Variants in GLIPR1 observed in about 807,000 individuals in gnomAD.
The protein encoded by GLIPR1 is glioma pathogenesis-related protein 1.
Under a neutral mutation model 30.3 loss-of-function variants are expected in GLIPR1, and 38 were observed. The ratio of observed to expected loss-of-function variants is 1.26; its 90% CI spans 0.97 to 1.65. The LOEUF is 1.65. GLIPR1 is among the 40% of genes most tolerant of loss of function. The probability of loss-of-function intolerance (pLI) is 0.00; values close to 1 mark genes in which losing one functional copy is unlikely to be tolerated. For synonymous variants in GLIPR1, 122 were observed against 110.6 expected (o/e 1.10, Z -0.65); for missense variants, 285 against 326.5 (o/e 0.87, Z 0.98).
chr12:75,486,852 G>A (rs927127613), intron 2 of GLIPR1, among the ~76,000 whole-genome samples: 5 of 152,088 alleles, frequency 3.3e-5, no homozygotes, highest in Non-Finnish European at 4.4e-5. Flanking sequence ...TTTCTGGGGC[G>A]ATAAAAATAT....
rs549613462 is a variant in GLIPR1, at chr12:75,495,849, C to T, written c.619+187C>T. On this transcript the variant is annotated intron_variant, in intron 4 of 5. Transcript: ENST00000266659. ...AAGAGAAATTTAAATGTGAAAATCA[C>T]GTTCTTTTTATTTAGTTCTAATTGG... 9 of 410,412 alleles carry T rather than the reference C, an allele frequency of 2.2e-5. No homozygotes were observed. In the South Asian group the frequency reaches 5.0e-4, roughly 23 times the overall value. 25.4% of individuals were successfully genotyped at this position (410,412 alleles called of 1,614,324 possible). A position where few individuals can be genotyped will look rare whatever the true frequency, so the allele number is the denominator to read the frequency against.
Position 75,481,899 on chromosome 12 carries a change from T to C in GLIPR1, c.240T>C (p.Asn80=). ...CCAGCAATTGCCAGTTTTCACATAATACACGGCTGAAGCCACCCCACAAGC... is the reference window on the plus strand; with the variant it reads ...CCAGCAATTGCCAGTTTTCACATAACACACGGCTGAAGCCACCCCACAAGC... ...AWASNCQFSH[N]TRLKPPHKLH... is the part of the protein sequence containing the mutation. Residue 80 remains asparagine (N), a synonymous_variant, in exon 2 of 6, where the codon AAT becomes AAC. Coordinates refer to ENST00000266659, the MANE Select transcript of GLIPR1 (RefSeq NM_006851.3). 6.2e-7 allele frequency: 1 copy of C among 1,614,144 alleles called. No individual in the cohort carries two copies. Among genetic ancestry groups the C allele is most frequent in the East Asian group, 2.2e-5 (1 of 44,878 alleles).
chr12:75,490,475 G>C lies in GLIPR1; in HGVS notation c.490G>C (p.Ala164Pro). 6.5e-7 allele frequency: 1 copy of C among 1,535,470 alleles called. No individual in the cohort carries two copies. Among genetic ancestry groups the C allele is most frequent in the Non-Finnish European group, 8.8e-7 (1 of 1,137,064 alleles). The part of the protein sequence containing the change: ...QFCPKVSGFD[A>P]LSNGAHFICN... ...TTGCCCTAAAGTTTCTGGCTTTGAC[G>C]CTCTTTCCAATGGAGCACATTTTAT... Residue 164 changes from alanine (A) to proline (P), a missense_variant, in exon 3 of 6, where the codon GCT becomes CCT. Coordinates refer to ENST00000266659, the MANE Select transcript of GLIPR1 (RefSeq NM_006851.3).
At chr12:75,496,026 CAG>C (rs1171338935) in intron 4 of GLIPR1, 6 of 136,960 alleles carry the variant, frequency 4.4e-5, no homozygotes, top group South Asian at 1.6e-4. Context: ...TTTTTTGAGA[CAG>C]AGTCTTGCTC....
At chr12:75,482,157 A>G in intron 2 of GLIPR1, 78 bp downstream of exon 2, 1 of 1,206,972 alleles carries the variant, frequency 8.3e-7, no homozygotes, top group Non-Finnish European at 1.2e-6. Context: ...AGTTAAGAAA[A>G]TGTATAGTAT....
chr12:75,494,189 G>T (rs2046337728), intron 3 of GLIPR1: 1 of 152,210 alleles, frequency 6.6e-6, no homozygotes, highest in East Asian at 1.9e-4. Flanking sequence ...TCGTTATAAA[G>T]TTGTGTGTCT....
intron 1 of GLIPR1, chr12:75,481,355 T>TTA: frequency 5.5e-6 from 1 of 183,208 alleles, no homozygotes. Context: ...TGATTTGGTT[T>TTA]TCTTTTTTTT....
At chr12:75,484,838 ATGTATACG>A (rs1159270530) in intron 2 of GLIPR1, 1 of 175,328 alleles carries the variant, frequency 5.7e-6, no homozygotes, top group Admixed American at 6.3e-5. Context: ...GGCCATCTGG[ATGTATACG>A]TGCAGGTCAC....
At chr12:75,487,739 G>A (rs1471189601) in intron 2 of GLIPR1, 1 of 456,174 alleles carries the variant, frequency 2.2e-6, no homozygotes, top group Admixed American at 2.4e-5. Context: ...CTCCCTCCAG[G>A]TGTCACAGGA....
chr12:75,499,894 T>G lies in GLIPR1; in HGVS notation c.*916T>G. On this transcript the variant is annotated 3_prime_UTR_variant, in exon 6 of 6. Coordinates refer to ENST00000266659, the MANE Select transcript of GLIPR1 (RefSeq NM_006851.3). Reference sequence around the variant, plus strand: ...TGTAAGAGCTCCCAGTTTCTTATTCTTTGCTTTCTTAACCTTTTCCTTGAT... The same window carrying G: ...TGTAAGAGCTCCCAGTTTCTTATTCGTTGCTTTCTTAACCTTTTCCTTGAT... The G allele has an allele frequency of 6.2e-7, 1 of 1,610,296 alleles. No homozygotes were observed. Among genetic ancestry groups the G allele is most frequent in the Non-Finnish European group, 8.5e-7 (1 of 1,178,370 alleles).
intron 2 of GLIPR1, among the ~76,000 whole-genome samples, chr12:75,489,272 C>A (rs974070294): frequency 6.6e-6 from 1 of 152,162 alleles, no homozygotes. Flanking sequence ...CATGTAACAG[C>A]GCAGGTCTCT....
intron 2 of GLIPR1, chr12:75,483,535 A>C (rs2046280892): frequency 6.6e-6 from 1 of 152,154 alleles, no homozygotes; most frequent in Admixed American, 6.5e-5. Flanking sequence ...GGGAAGGAGG[A>C]GAAATACAGC....
At chr12:75,488,026 G>A (rs1314303234) in intron 2 of GLIPR1, among the ~76,000 whole-genome samples, 1 of 152,134 alleles carries the variant, frequency 6.6e-6, no homozygotes, top group Non-Finnish European at 1.5e-5. Flanking sequence ...AACTGTCATG[G>A]TGGGAGTGCA....
chr12:75,498,180 G>T (rs2046363409), intron 4 of GLIPR1: 1 of 152,298 alleles, frequency 6.6e-6, no homozygotes, highest in East Asian at 1.9e-4. Context: ...TGCTCTGATT[G>T]TCAAAATTTG....
Position 75,501,470 on chromosome 12 carries a change from A to G in GLIPR1, c.*2492A>G. 2.6e-6 allele frequency: 1 copy of G among 378,230 alleles called. No individual in the cohort carries two copies. Among genetic ancestry groups the G allele is most frequent in the Non-Finnish European group, 4.8e-6 (1 of 210,448 alleles). The allele number at this position is 378,230 out of a possible 1,614,324, so 23.4% of individuals were successfully genotyped here. Reference sequence around the variant, plus strand: ...GCTGCCCTGGGTTTGTATCTTTCACAACAAAGAGTCTTTTCCAAGCACAGA... The same window carrying G: ...GCTGCCCTGGGTTTGTATCTTTCACGACAAAGAGTCTTTTCCAAGCACAGA... On this transcript the variant is annotated 3_prime_UTR_variant, in exon 6 of 6. Coordinates refer to ENST00000266659, the MANE Select transcript of GLIPR1 (RefSeq NM_006851.3).
In GLIPR1 at chr12:75,499,864, T is replaced by G. The variant is rs1400358932; in HGVS notation, c.*886T>G. 2.5e-6 allele frequency: 4 copies of G among 1,608,974 alleles called. No homozygotes were observed. Among genetic ancestry groups the G allele is most frequent in the Non-Finnish European group, 3.4e-6 (4 of 1,177,946 alleles). The stretch of plus-strand genomic sequence containing the variant: ...TGCCTCCATCTTAAGTGCAATTTCT[T>G]CAGCTGTAAGAGCTCCCAGTTTCTT... On this transcript the variant is annotated 3_prime_UTR_variant, in exon 6 of 6. Transcript: ENST00000266659.
rs924477388 is a variant in GLIPR1, at chr12:75,501,568, A to T, written c.*2590A>T. On this transcript the variant is annotated 3_prime_UTR_variant, in exon 6 of 6. Coordinates refer to ENST00000266659, the MANE Select transcript of GLIPR1 (RefSeq NM_006851.3). ...ATTAGCTGCCTCTAAATTATAAATT[A>T]TCTCAGCCATCCCTTGTCCTTAGGA... 8 of 593,748 alleles carry T rather than the reference A, an allele frequency of 1.3e-5. No homozygotes were observed. Among genetic ancestry groups the T allele is most frequent in the Non-Finnish European group, 1.8e-5 (6 of 340,128 alleles). The allele number at this position is 593,748 out of a possible 1,614,324, so 36.8% of individuals were successfully genotyped here.
Position 75,495,668 on chromosome 12 carries a change from T to C in GLIPR1, c.619+6T>C. 6.5e-7 allele frequency: 1 copy of C among 1,531,492 alleles called. No homozygotes were observed. Among genetic ancestry groups the C allele is most frequent in the Non-Finnish European group, 9.0e-7 (1 of 1,105,296 alleles). 94.9% of individuals were successfully genotyped at this position (1,531,492 alleles called of 1,614,324 possible). ...GTGTTTGGACAATCTCTGTGGTGAG[T>C]AAAAGGAACAATACACCAATAGAAT... On this transcript the variant is annotated splice_donor_region_variant and intron_variant, in intron 4 of 5. Coordinates refer to ENST00000266659, the MANE Select transcript of GLIPR1 (RefSeq NM_006851.3).
In GLIPR1 at chr12:75,503,380, G is replaced by C. The variant is rs748909857; in HGVS notation, c.*4402G>C. On this transcript the variant is annotated 3_prime_UTR_variant, in exon 6 of 6. Transcript: ENST00000266659. ...AGTTTTTAGACTGATCCAAGTTTTA[G>C]AGCTTTGCTGAGAAGGTGGGACAGA... 1 of 152,092 alleles carries C rather than the reference G, an allele frequency of 6.6e-6. No homozygotes were observed. The highest frequency in any genetic ancestry group is 2.4e-5 in the African/African-American group (1 of 41,424). The allele number at this position is 152,092 out of a possible 1,614,324, so 9.4% of individuals were successfully genotyped here.
Sources: gnomAD v4.1 joint callset for allele counts (sites outside exome capture counted in the v4.1 genomes callset) on GRCh38, gnomAD v4.1.1 for gene constraint, MANE v1.5 for transcripts, NCBI Gene and HGNC (gene_info 2026-07-23, HGNC 2026-07-21) for gene names.